The following ADGRL2 variants were observed in gnomAD, a reference collection of about 807,000 sequenced individuals.
ADGRL2 encodes the protein adhesion G protein-coupled receptor L2, also known as calcium-independent alpha-latrotoxin receptor 2.
A neutral mutation model predicts 157.4 loss-of-function variants in ADGRL2; 44 were observed. That is an observed-to-expected ratio of 0.28 (90% confidence interval 0.22 to 0.36). The LOEUF is 0.36. ADGRL2 is among the 10% of genes least tolerant of loss of function. ADGRL2 has a pLI of 1.00. For missense variants in ADGRL2, 1,510 were observed against 1,768.9 expected (o/e 0.85, Z 2.63); for synonymous variants, 585 against 624.7 (o/e 0.94, Z 0.95).
At chr1:81,567,039 C>G (rs1452920640) in intron 2 of ADGRL2, among the ~76,000 whole-genome samples, 1 of 152,072 alleles carries the variant, frequency 6.6e-6, no homozygotes, top group Non-Finnish European at 1.5e-5. Flanking sequence ...GGCAGAAATT[C>G]TCTAGTATGC....
At position 81,732,668 on chromosome 1, in the gene ADGRL2, A is replaced by G. The variant is rs187339886; in HGVS notation, c.-142-29143A>G. Among the ~76,000 whole-genome samples the G allele has an allele frequency of 9.8e-5, 15 of 152,356 alleles. No individual in the cohort carries two copies. In the East Asian group the frequency reaches 2.9e-3, roughly 29 times the overall value. On this transcript the variant is annotated intron_variant, in intron 1 of 20. Coordinates refer to the ADGRL2 transcript ENST00000359929. ...GGAGTTTAAGGGTTTTTTGAAGCCC[A>G]TAAATAAAAAGATGCAAAGTTTCAT...
intron 1 of ADGRL2, among the ~76,000 whole-genome samples, chr1:81,425,984 A>T (rs1356889569): frequency 6.6e-6 from 1 of 152,150 alleles, no homozygotes; most frequent in East Asian, 1.9e-4. Flanking sequence ...CTCCCACCTC[A>T]GCCTCCCAAG....
intron 1 of ADGRL2, among the ~76,000 whole-genome samples, chr1:81,390,471 T>A (rs1412913986): frequency 6.6e-6 from 1 of 152,426 alleles, no homozygotes; most frequent in Admixed American, 6.5e-5. Flanking sequence ...GTAATACATG[T>A]ATAGATATGC....
At chr1:81,451,460 A>G (rs2077701309) in intron 2 of ADGRL2, among the ~76,000 whole-genome samples, 1 of 152,224 alleles carries the variant, frequency 6.6e-6, no homozygotes, top group Admixed American at 6.5e-5. Flanking sequence ...ATACCAGAGA[A>G]GAGCATTGCT....
intron 3 of ADGRL2, among the ~76,000 whole-genome samples, chr1:81,667,282 A>T (rs910891197): frequency 1.3e-5 from 2 of 152,222 alleles, no homozygotes; most frequent in Non-Finnish European, 2.9e-5. Context: ...ACAAGAGAAC[A>T]ATTGTTATAA....
chr1:81,504,711 GT>G, intron 2 of ADGRL2, among the ~76,000 whole-genome samples: 1 of 152,202 alleles, frequency 6.6e-6, no homozygotes, highest in Non-Finnish European at 1.5e-5. Flanking sequence ...CCCTGAAACC[GT>G]ACCAGTTCTG....
chr1:81,920,874 CA>C lies in ADGRL2; in HGVS notation c.287+13653del, dbSNP rs370702752. ...TAAAGGTTTTAAAGGAAAAAAAAAA[CA>C]AAAAAAAAGCCCAATTCAGGTCTAA... On this transcript the variant is annotated intron_variant, in intron 3 of 23. Transcript: ENST00000686636. Among the ~76,000 whole-genome samples, 475 of 147,492 alleles carry C rather than the reference CA, an allele frequency of 3.2e-3. 1 individual carries two copies. Among genetic ancestry groups the C allele is most frequent in the African/African-American group, 0.01 (410 of 39,812 alleles).
At chr1:81,723,258 TATTC>T (rs2084397685) in intron 1 of ADGRL2, among the ~76,000 whole-genome samples, 1 of 152,160 alleles carries the variant, frequency 6.6e-6, no homozygotes, top group Non-Finnish European at 1.5e-5. Flanking sequence ...GCCATTAGGG[TATTC>T]ATTCAGATAA....
At chr1:81,820,741 A>G (rs1164896724) in intron 1 of ADGRL2, among the ~76,000 whole-genome samples, 2 of 152,016 alleles carry the variant, frequency 1.3e-5, no homozygotes, top group East Asian at 3.9e-4. Flanking sequence ...TGTCTGAAAA[A>G]AAAAAACAAA....
At chr1:81,306,493 C>G (rs1485172483) in exon 1 of ADGRL2, 1 of 152,040 alleles carries the variant, frequency 6.6e-6, no homozygotes, top group Non-Finnish European at 1.5e-5. Context: ...GAACTTACCT[C>G]CATCTGTCTT....
At chr1:81,380,042 T>C (rs897869849) in intron 1 of ADGRL2, among the ~76,000 whole-genome samples, 1 of 152,286 alleles carries the variant, frequency 6.6e-6, no homozygotes, top group Non-Finnish European at 1.5e-5. Context: ...CCTGGCCTTC[T>C]CTGGTGAATT....
intron 1 of ADGRL2, among the ~76,000 whole-genome samples, chr1:81,829,103 G>A (rs2091743403): frequency 6.6e-6 from 1 of 151,902 alleles, no homozygotes; most frequent in Admixed American, 6.6e-5. Context: ...GTAGAGACGG[G>A]GTTTCACCGC....
intron 17 of ADGRL2, among the ~76,000 whole-genome samples, chr1:81,976,110 T>C (rs1415521579): frequency 1.3e-5 from 2 of 152,032 alleles, no homozygotes; most frequent in African/African-American, 2.4e-5. Flanking sequence ...TTGTCATATA[T>C]GTTGGTGGTA....
At chr1:81,543,710 C>T (rs937480061) in intron 2 of ADGRL2, among the ~76,000 whole-genome samples, 1 of 152,134 alleles carries the variant, frequency 6.6e-6, no homozygotes, top group South Asian at 2.1e-4. Flanking sequence ...CAGTCAACAA[C>T]ACCCCTTAAA....
At chr1:81,553,965 A>G (rs960736692) in intron 2 of ADGRL2, among the ~76,000 whole-genome samples, 4 of 152,184 alleles carry the variant, frequency 2.6e-5, no homozygotes, top group East Asian at 1.9e-4. Context: ...TTCAGGTTCC[A>G]TTTATCTAAA....
At chr1:81,321,950 A>G (rs941672886) in intron 1 of ADGRL2, among the ~76,000 whole-genome samples, 2 of 152,004 alleles carry the variant, frequency 1.3e-5, no homozygotes, top group Non-Finnish European at 2.9e-5. Flanking sequence ...TACATTATTT[A>G]GACCACCACT....
rs530211915 is a variant in ADGRL2 at position 81,830,033 on chromosome 1, T to A, written c.-100-6852T>A. Among the ~76,000 whole-genome samples, 6 of 152,328 alleles carry A rather than the reference T, an allele frequency of 3.9e-5. No homozygotes were observed. The South Asian group carries it at 1.2e-3, about 32-fold the overall frequency. ...GTTAGTTACTTCTCTTAGCTTCTCA[T>A]CACATTTACTACCATTAAGTTTTGG... On this transcript the variant is annotated intron_variant, in intron 1 of 23. Coordinates refer to ENST00000686636, the MANE Select transcript of ADGRL2 (RefSeq NM_001366006.2).
At chr1:81,639,859 G>A (rs1243651384) in intron 3 of ADGRL2, among the ~76,000 whole-genome samples, 1 of 152,050 alleles carries the variant, frequency 6.6e-6, no homozygotes, top group African/African-American at 2.4e-5. Context: ...ATTTAACCCA[G>A]GATGCTAGAT....
At chr1:81,931,474 C>T (rs1572196494) in intron 3 of ADGRL2, among the ~76,000 whole-genome samples, 1 of 151,970 alleles carries the variant, frequency 6.6e-6, no homozygotes, top group South Asian at 2.1e-4. Flanking sequence ...ATACTTCGTG[C>T]GTTTTTAACC....
Sources: allele counts gnomAD v4.1 joint callset (sites outside exome capture counted in the v4.1 genomes callset), GRCh38; gene constraint gnomAD v4.1.1; transcripts MANE v1.5; gene names NCBI Gene and HGNC (gene_info 2026-07-23, HGNC 2026-07-21).